JMJD1C: variants seen among roughly 807,000 people sequenced by gnomAD.
JMJD1C encodes the protein jumonji domain containing 1C, also known as jumonji domain-containing protein 1C.
JMJD1C carries 31 observed loss-of-function variants against 245.3 expected under a neutral mutation model. That is an observed-to-expected ratio of 0.13 (90% CI 0.09 to 0.17). JMJD1C has a LOEUF of 0.17. JMJD1C is among the 10% of genes least tolerant of loss of function. The pLI is 1.00. For synonymous variants in JMJD1C, 1,057 were observed against 1,017.4 expected, an observed-to-expected ratio of 1.04 and a Z score of -0.74; for missense variants, 2,691 against 3,000.2, an observed-to-expected ratio of 0.90 and a Z score of 2.41.
At chr10:63,364,749 AGTGCTG>A (rs1945700165) in intron 2 of JMJD1C, among the ~76,000 whole-genome samples, 1 of 152,170 alleles carries the variant, frequency 6.6e-6, no homozygotes, top group Non-Finnish European at 1.5e-5. Flanking sequence ...AGCTTCCCTA[AGTGCTG>A]GGAGTACAGG....
intron 2 of JMJD1C, among the ~76,000 whole-genome samples, chr10:63,338,081 T>C (rs979392757): frequency 4.6e-5 from 7 of 152,164 alleles, no homozygotes; most frequent in East Asian, 3.8e-4. Flanking sequence ...CCAACATAAA[T>C]AAACAGAAAT....
At chr10:63,230,587 T>C (rs1172150406) in intron 3 of JMJD1C, among the ~76,000 whole-genome samples, 4 of 152,022 alleles carry the variant, frequency 2.6e-5, no homozygotes, top group Non-Finnish European at 4.4e-5. Context: ...TTCACAATGG[T>C]AGTTACTTAA....
intron 1 of JMJD1C, chr10:63,427,673 T>A (rs1589728490): frequency 7.7e-7 from 1 of 1,305,726 alleles, no homozygotes; most frequent in African/African-American, 1.5e-5. Flanking sequence ...TGGACCGAAA[T>A]CCGCAGAGAA....
intron 2 of JMJD1C, among the ~76,000 whole-genome samples, chr10:63,270,917 A>G (rs1186928407): frequency 6.6e-6 from 1 of 152,190 alleles, no homozygotes; most frequent in Non-Finnish European, 1.5e-5. Flanking sequence ...ATTTGTCAGT[A>G]TAATTAAATT....
intron 2 of JMJD1C, among the ~76,000 whole-genome samples, chr10:63,318,817 A>C (rs551683838): frequency 6.6e-6 from 1 of 152,042 alleles, no homozygotes; most frequent in African/African-American, 2.4e-5. Flanking sequence ...CACTTCATTT[A>C]TCTCTTTCAA....
intron 2 of JMJD1C, among the ~76,000 whole-genome samples, chr10:63,364,511 G>T (rs2134386121): frequency 6.6e-6 from 1 of 152,090 alleles, no homozygotes; most frequent in East Asian, 1.9e-4. Flanking sequence ...TTTTTTGTTT[G>T]TTTTTTGAGA....
intron 22 of JMJD1C, among the ~76,000 whole-genome samples, chr10:63,179,650 G>A (rs1289961379): frequency 1.3e-5 from 2 of 151,936 alleles, no homozygotes; most frequent in South Asian, 2.1e-4. Flanking sequence ...GCGCCTGTCT[G>A]TAGTCCCAGC....
chr10:63,440,388 A>AGAGAGC (rs1554938032), intron 1 of JMJD1C, among the ~76,000 whole-genome samples: 3 of 149,712 alleles, frequency 2.0e-5, no homozygotes, highest in African/African-American at 7.4e-5. Context: ...AGAGAGAGAG[A>AGAGAGC]GCGCAAGCGT....
intron 2 of JMJD1C, among the ~76,000 whole-genome samples, chr10:63,346,486 T>A (rs1943826625): frequency 6.6e-6 from 1 of 152,194 alleles, no homozygotes. Flanking sequence ...AATAGCTAAA[T>A]CTCAGCCAAC....
chr10:63,338,896 G>A (rs1283341330), intron 2 of JMJD1C, among the ~76,000 whole-genome samples: 2 of 151,366 alleles, frequency 1.3e-5, no homozygotes, highest in South Asian at 2.1e-4. Context: ...TGATCCACCC[G>A]CCTCAGCCTC....
chr10:63,174,075 C>T (rs1842648905), intron 24 of JMJD1C, among the ~76,000 whole-genome samples: 1 of 152,176 alleles, frequency 6.6e-6, no homozygotes, highest in Admixed American at 6.5e-5. Flanking sequence ...ATGAAACTCA[C>T]ATAACCCTGC....
At chr10:63,337,615 A>AAAGAG (rs1942945979) in intron 2 of JMJD1C, among the ~76,000 whole-genome samples, 1 of 70,748 alleles carries the variant, frequency 1.4e-5, no homozygotes, top group Admixed American at 1.2e-4. Flanking sequence ...AAAGAAAAGA[A>AAAGAG]AAGAAAAGAA....
At chr10:63,265,802 T>C (rs1349479036) in intron 2 of JMJD1C, among the ~76,000 whole-genome samples, 1 of 152,210 alleles carries the variant, frequency 6.6e-6, no homozygotes, top group African/African-American at 2.4e-5. Flanking sequence ...TAATTTGTGT[T>C]AATATTTCCA....
chr10:63,294,236 G>A (rs1046841204), intron 2 of JMJD1C, among the ~76,000 whole-genome samples: 2 of 150,092 alleles, frequency 1.3e-5, no homozygotes, highest in East Asian at 1.9e-4. Context: ...ATTTATTCTC[G>A]TCTAATTTAG....
At chr10:63,265,972 G>A (rs1855528251) in intron 2 of JMJD1C, among the ~76,000 whole-genome samples, 1 of 151,936 alleles carries the variant, frequency 6.6e-6, no homozygotes, top group South Asian at 2.1e-4. Flanking sequence ...GGTTTGGAGT[G>A]GCTTTTAAGG....
chr10:63,195,067 G>A (rs1006556251), intron 13 of JMJD1C, among the ~76,000 whole-genome samples: 3 of 151,974 alleles, frequency 2.0e-5, no homozygotes, highest in African/African-American at 2.4e-5. Context: ...AAAAAATCTA[G>A]AACTAGACCA....
chr10:63,239,148 G>A (rs1021272575), intron 3 of JMJD1C, among the ~76,000 whole-genome samples: 2 of 152,182 alleles, frequency 1.3e-5, no homozygotes, highest in Non-Finnish European at 2.9e-5. Context: ...GATAATAAGA[G>A]ATCAGAAAAG....
intron 1 of JMJD1C, among the ~76,000 whole-genome samples, chr10:63,505,732 T>C (rs1369865045): frequency 1.3e-5 from 2 of 151,582 alleles, no homozygotes; most frequent in African/African-American, 2.4e-5. Context: ...TCAAGATAAA[T>C]AGTGTAGAGT....
intron 1 of JMJD1C, among the ~76,000 whole-genome samples, chr10:63,389,942 C>G (rs1053968750): frequency 6.6e-6 from 1 of 152,070 alleles, no homozygotes; most frequent in Non-Finnish European, 1.5e-5. Context: ...CAAAAAGTAA[C>G]AGAATTTCAA....
Sources: gnomAD v4.1 joint callset for allele counts (sites outside exome capture counted in the v4.1 genomes callset) on GRCh38, gnomAD v4.1.1 for gene constraint, MANE v1.5 for transcripts, NCBI Gene and HGNC (gene_info 2026-07-23, HGNC 2026-07-21) for gene names.